The following STX18 variants were observed in gnomAD, a reference collection of about 807,000 sequenced individuals.
STX18 encodes the protein syntaxin 18, also known as syntaxin-18.
A neutral mutation model predicts 50.1 loss-of-function variants in STX18; 40 were observed. The ratio of observed to expected loss-of-function variants is 0.80; its 90% CI spans 0.62 to 1.04. The LOEUF is 1.04. Among genes scored for constraint, STX18 ranks in the 50% least tolerant of loss-of-function variants. The probability of loss-of-function intolerance (pLI) is 0.00; values close to 1 mark genes in which losing one functional copy is unlikely to be tolerated. For synonymous variants in STX18, 158 were observed against 151.8 expected (o/e 1.04, Z -0.30); for missense variants, 410 against 415.8 (o/e 0.99, Z 0.12).
At chr4:4,454,036 G>A (rs957619327) in intron 5 of STX18, among the ~76,000 whole-genome samples, 8 of 152,188 alleles carry the variant, frequency 5.3e-5, no homozygotes, top group East Asian at 1.9e-4. Flanking sequence ...GTCTCATTTC[G>A]CTGGACAGAG....
At chr4:4,517,112 T>A (rs968780589) in intron 1 of STX18, among the ~76,000 whole-genome samples, 2 of 152,296 alleles carry the variant, frequency 1.3e-5, no homozygotes, top group Admixed American at 1.3e-4. Flanking sequence ...CCCGACTGTA[T>A]CAAACAATCC....
chr4:4,442,061 C>G (rs1477934602), intron 5 of STX18, among the ~76,000 whole-genome samples: 1 of 151,648 alleles, frequency 6.6e-6, no homozygotes, highest in Non-Finnish European at 1.5e-5. Context: ...GAAGGGGAGG[C>G]AATAATAGCC....
In STX18 at chr4:4,534,058, T is replaced by C. The variant is rs533538969; in HGVS notation, c.168+7739A>G. ...GCCACCATAAGTCCCAGCCTAGTGA[T>C]GGCCGTATTGCTGAGACAGGTCTCA... is the stretch of plus-strand genomic sequence containing the variant. On this transcript the variant is annotated intron_variant, in intron 1 of 10. Coordinates refer to ENST00000306200, the MANE Select transcript of STX18 (RefSeq NM_016930.4). Among the ~76,000 whole-genome samples, 14 of 152,330 alleles carry C rather than the reference T, an allele frequency of 9.2e-5. No individual in the cohort carries two copies. The South Asian group carries it at 2.9e-3, about 32-fold the overall frequency.
intron 9 of STX18, among the ~76,000 whole-genome samples, chr4:4,421,412 G>A (rs1724956634): frequency 6.6e-6 from 1 of 151,962 alleles, no homozygotes; most frequent in Admixed American, 6.5e-5. Context: ...CACCACGCCT[G>A]GCTAAATTTT....
At chr4:4,530,225 A>C (rs1731032479) in intron 1 of STX18, among the ~76,000 whole-genome samples, 1 of 152,136 alleles carries the variant, frequency 6.6e-6, no homozygotes. Flanking sequence ...AAATCACCCA[A>C]GTCCCATCAC....
rs79151548 is a variant in STX18 at position 4,503,175 on chromosome 4, C to T, written c.169-31469G>A. Among the ~76,000 whole-genome samples, 188 of 152,254 alleles carry T rather than the reference C, an allele frequency of 1.2e-3. 3 individuals carry two copies. In the East Asian group the frequency reaches 0.032, roughly 26 times the overall value. On this transcript the variant is annotated intron_variant, in intron 1 of 10. Coordinates refer to ENST00000306200, the MANE Select transcript of STX18 (RefSeq NM_016930.4). ...CCAAGAACTGCGTGGGGTGGCAGTG[C>T]CCTAACAAAAGCTCCCTTCTTATCT...
At chr4:4,484,219 T>C (rs567314220) in intron 1 of STX18, among the ~76,000 whole-genome samples, 2 of 152,302 alleles carry the variant, frequency 1.3e-5, no homozygotes, top group African/African-American at 4.8e-5. Context: ...CCATACTTAC[T>C]ACCTCTGAAA....
At chr4:4,486,071 C>T (rs1577365869) in intron 1 of STX18, among the ~76,000 whole-genome samples, 2 of 152,270 alleles carry the variant, frequency 1.3e-5, no homozygotes, top group South Asian at 4.1e-4. Flanking sequence ...TTGGAGTCAC[C>T]GGGTGATGTG....
At chr4:4,506,944 TATTGTACATAAA>T in intron 1 of STX18, 1 of 316,320 alleles carries the variant, frequency 3.2e-6, no homozygotes, top group South Asian at 3.0e-5. Flanking sequence ...GGGATGGGAC[TATTGTACATAAA>T]ATGCTAAAAT....
At chr4:4,518,045 T>C (rs2108902268) in intron 1 of STX18, among the ~76,000 whole-genome samples, 1 of 152,318 alleles carries the variant, frequency 6.6e-6, no homozygotes, top group South Asian at 2.1e-4. Context: ...AGTACTGGGA[T>C]TACAGGCTTG....
At chr4:4,459,620 A>G in intron 2 of STX18, 133 bp from the exon 3 acceptor site, 1 of 677,060 alleles carries the variant, frequency 1.5e-6, no homozygotes, top group Non-Finnish European at 2.6e-6. Flanking sequence ...GAGGAGGAAC[A>G]GGCCAGGTGA....
At chr4:4,498,474 C>T (rs1729289850) in intron 1 of STX18, among the ~76,000 whole-genome samples, 1 of 152,100 alleles carries the variant, frequency 6.6e-6, no homozygotes, top group South Asian at 2.1e-4. Flanking sequence ...AATCCTCAGC[C>T]CAATGACTGG....
intron 1 of STX18, among the ~76,000 whole-genome samples, chr4:4,533,478 C>T (rs1165017022): frequency 6.6e-6 from 1 of 152,194 alleles, no homozygotes; most frequent in Non-Finnish European, 1.5e-5. Context: ...AGATCGGGCA[C>T]ATAAAGTCCT....
intron 1 of STX18, among the ~76,000 whole-genome samples, chr4:4,509,001 G>A (rs1729869649): frequency 1.3e-5 from 2 of 152,174 alleles, no homozygotes; most frequent in South Asian, 4.1e-4. Context: ...CTTTGCTATT[G>A]TGAATAGTGC....
intron 1 of STX18, among the ~76,000 whole-genome samples, chr4:4,512,559 A>G (rs1381436991): frequency 6.6e-6 from 1 of 152,144 alleles, no homozygotes; most frequent in African/African-American, 2.4e-5. Context: ...TGCCACAATC[A>G]TCTACTGCTG....
chr4:4,525,105 G>A (rs1048626194), intron 1 of STX18, among the ~76,000 whole-genome samples: 14 of 152,024 alleles, frequency 9.2e-5, no homozygotes, highest in African/African-American at 3.1e-4. Context: ...AAAGAATAAA[G>A]TTTTATAAAG....
At position 4,506,242 on chromosome 4, in the gene STX18, C is replaced by A. The variant is rs368382718; in HGVS notation, c.169-34536G>T. 1.4e-4 allele frequency among the ~76,000 whole-genome samples: 21 copies of A among 152,312 alleles called. 1 individual carries two copies. The highest frequency in any genetic ancestry group is 5.1e-4 in the African/African-American group (21 of 41,570). On this transcript the variant is annotated intron_variant, in intron 1 of 10. Transcript: ENST00000306200. ...GTATGCTCATGCAAAAATCTGTATA[C>A]AAACATTTGTAGCAGTTCTATTCAT...
At chr4:4,434,132 G>A (rs1162861256) in intron 7 of STX18, among the ~76,000 whole-genome samples, 1 of 152,218 alleles carries the variant, frequency 6.6e-6, no homozygotes, top group African/African-American at 2.4e-5. Context: ...CCACGTCTTA[G>A]AGGACAGTGT....
chr4:4,498,050 A>G (rs1403014428), intron 1 of STX18, among the ~76,000 whole-genome samples: 3 of 152,194 alleles, frequency 2.0e-5, no homozygotes, highest in Non-Finnish European at 4.4e-5. Flanking sequence ...CCTTCGTACT[A>G]AAAACAGTCA....
Sources: gnomAD v4.1 joint callset for allele counts (sites outside exome capture counted in the v4.1 genomes callset) on GRCh38, gnomAD v4.1.1 for gene constraint, MANE v1.5 for transcripts, NCBI Gene and HGNC (gene_info 2026-07-23, HGNC 2026-07-21) for gene names.